Variants in STAG1 observed in about 807,000 individuals in gnomAD.
STAG1 encodes the protein STAG1 cohesin complex component.
Under a neutral mutation model 170.9 loss-of-function variants are expected in STAG1, and 26 were observed. That is an observed-to-expected ratio of 0.15 (90% confidence interval 0.11 to 0.21). The LOEUF (loss-of-function observed/expected upper bound fraction) is 0.21. STAG1 is among the 10% of genes least tolerant of loss of function. The probability of loss-of-function intolerance (pLI) is 1.00; values close to 1 mark genes in which losing one functional copy is unlikely to be tolerated. For synonymous variants in STAG1, 514 were observed against 497.7 expected (o/e 1.03, Z -0.44); for missense variants, 964 against 1,509.5 (o/e 0.64, Z 5.99).
intron 1 of STAG1, among the ~76,000 whole-genome samples, chr3:136,679,811 A>G (rs1942273479): frequency 6.6e-6 from 1 of 151,362 alleles, no homozygotes; most frequent in South Asian, 2.1e-4. Context: ...CTGAGGCATG[A>G]GAATTGCTAG....
At chr3:136,517,248 G>T (rs755705173) in intron 7 of STAG1, among the ~76,000 whole-genome samples, 7 of 151,942 alleles carry the variant, frequency 4.6e-5, no homozygotes, top group Non-Finnish European at 8.8e-5. Flanking sequence ...CATTTTAGGA[G>T]GGAAAAAAGA....
At chr3:136,551,208 TGAGAGAGAGA>T (rs57609965) in intron 5 of STAG1, among the ~76,000 whole-genome samples, 1,641 of 44,470 alleles carry the variant, frequency 0.037, 21 homozygotes, top group African/African-American at 0.043. Flanking sequence ...TGAGAGAGAG[TGAGAGAGAGA>T]GAGAGAGAGA....
chr3:136,464,342 G>C (rs1485855492), intron 13 of STAG1, among the ~76,000 whole-genome samples: 1 of 151,964 alleles, frequency 6.6e-6, no homozygotes, highest in Non-Finnish European at 1.5e-5. Context: ...ATAATCGCTT[G>C]AACCTGGGAG....
At chr3:136,497,381 T>A (rs1399800458) in intron 9 of STAG1, among the ~76,000 whole-genome samples, 4 of 152,144 alleles carry the variant, frequency 2.6e-5, no homozygotes. Context: ...TAAAAACATA[T>A]CATGATAATG....
intron 3 of STAG1, among the ~76,000 whole-genome samples, chr3:136,619,221 G>C (rs1372891339): frequency 6.6e-6 from 1 of 150,626 alleles, no homozygotes; most frequent in Non-Finnish European, 1.5e-5. Flanking sequence ...GCAGGGGGTG[G>C]GGCAGTGCTT....
intron 1 of STAG1, among the ~76,000 whole-genome samples, chr3:136,690,056 C>CAAAAAAAAAAAAAAAAAAAAAAACAA (rs57082567): frequency 1.8e-5 from 1 of 56,406 alleles, no homozygotes; most frequent in African/African-American, 7.7e-5. Context: ...AAAAGCAAAC[C>CAAAAAAAAAAAAAAAAAAAAAAACAA]AAAAAAAAAA....
chr3:136,657,189 C>CTTTTTTTTTTTTTTTTTTTTTTTTTTT, intron 1 of STAG1, among the ~76,000 whole-genome samples: 2 of 92,290 alleles, frequency 2.2e-5, no homozygotes, highest in Non-Finnish European at 4.2e-5. Context: ...TTCTTTCTTT[C>CTTTTTTTTTTTTTTTTTTTTTTTTTTT]TTTTTTTTTT....
chr3:136,699,271 A>C (rs754356419), intron 1 of STAG1, among the ~76,000 whole-genome samples: 1 of 152,206 alleles, frequency 6.6e-6, no homozygotes, highest in Non-Finnish European at 1.5e-5. Context: ...ACTTAATTTT[A>C]TAGGAAGAAA....
At chr3:136,697,229 C>T (rs568961969) in intron 1 of STAG1, among the ~76,000 whole-genome samples, 1 of 152,242 alleles carries the variant, frequency 6.6e-6, no homozygotes, top group South Asian at 2.1e-4. Flanking sequence ...TTCTATGTTG[C>T]TTATGAACTT....
chr3:136,543,363 T>C (rs546550046), intron 5 of STAG1, among the ~76,000 whole-genome samples: 1 of 152,270 alleles, frequency 6.6e-6, no homozygotes, highest in African/African-American at 2.4e-5. Flanking sequence ...ATGCACTCAG[T>C]AGAAGGCAAG....
chr3:136,387,454 A>G (rs1018372783), intron 22 of STAG1, among the ~76,000 whole-genome samples: 1 of 152,210 alleles, frequency 6.6e-6, no homozygotes, highest in Non-Finnish European at 1.5e-5. Context: ...TTTCACCTGA[A>G]GTAAGTCATT....
intron 1 of STAG1, among the ~76,000 whole-genome samples, chr3:136,748,379 C>T (rs1935057816): frequency 6.6e-6 from 1 of 151,726 alleles, no homozygotes; most frequent in African/African-American, 2.4e-5. Flanking sequence ...CTGGTCGGGG[C>T]ACACTCAAAA....
At chr3:136,473,803 T>TAAA (rs72041162) in intron 10 of STAG1, among the ~76,000 whole-genome samples, 166 bp from the exon 11 acceptor site, 72 of 141,012 alleles carry the variant, frequency 5.1e-4, no homozygotes, top group Non-Finnish European at 4.0e-4. Context: ...CCCTTATATG[T>TAAA]AAAAAAAAAA....
chr3:136,667,910 G>A (rs536551143), intron 1 of STAG1, among the ~76,000 whole-genome samples: 85 of 152,064 alleles, frequency 5.6e-4, no homozygotes, highest in Admixed American at 4.6e-4. Flanking sequence ...AGACCTGGCC[G>A]GGCATGGTGG....
intron 28 of STAG1, 79 bp from the exon 29 acceptor site, chr3:136,349,442 T>C: frequency 9.4e-7 from 1 of 1,066,726 alleles, no homozygotes; most frequent in Non-Finnish European, 1.4e-6. Flanking sequence ...TCTGAGGCTC[T>C]CTTTCTGCAG....
chr3:136,498,233 T>TATATATATATATATACACACACAC, intron 9 of STAG1, among the ~76,000 whole-genome samples: 4 of 57,492 alleles, frequency 7.0e-5, no homozygotes, highest in African/African-American at 4.1e-4. Context: ...TATATATATA[T>TATATATATATATATACACACACAC]ACACATACAT....
intron 1 of STAG1, among the ~76,000 whole-genome samples, chr3:136,735,296 T>C (rs1023225702): frequency 7.9e-5 from 12 of 152,024 alleles, no homozygotes; most frequent in African/African-American, 2.2e-4. Context: ...CAGCTAATTT[T>C]TGCATTTTCT....
chr3:136,384,724 C>T (rs182195369), intron 22 of STAG1, among the ~76,000 whole-genome samples: 7 of 150,496 alleles, frequency 4.7e-5, no homozygotes, highest in East Asian at 3.9e-4. Flanking sequence ...GCTGAGATTA[C>T]GCCACTGCAC....
At chr3:136,654,373 A>T (rs539819133) in intron 1 of STAG1, among the ~76,000 whole-genome samples, 1 of 152,350 alleles carries the variant, frequency 6.6e-6, no homozygotes, top group African/African-American at 2.4e-5. Flanking sequence ...AACAATTACA[A>T]AAACTGTTCC....
Sources: allele counts gnomAD v4.1 joint callset (sites outside exome capture counted in the v4.1 genomes callset), GRCh38; gene constraint gnomAD v4.1.1; transcripts MANE v1.5; gene names NCBI Gene and HGNC (gene_info 2026-07-23, HGNC 2026-07-21).